The following HEATR5B variants were observed in gnomAD, a reference collection of about 807,000 sequenced individuals.
HEATR5B encodes HEAT repeat containing 5B.
HEATR5B carries 156 observed loss-of-function variants against 224.1 expected under a neutral mutation model. The observed-to-expected ratio is 0.70, with a 90% CI of 0.61 to 0.80. The LOEUF (loss-of-function observed/expected upper bound fraction) is 0.80, where lower values mean the gene tolerates loss of function less well. HEATR5B is among the 30% of genes least tolerant of loss of function. The probability of loss-of-function intolerance (pLI) is 0.00; values close to 1 mark genes in which losing one functional copy is unlikely to be tolerated. For missense variants in HEATR5B, 2,323 were observed against 2,535.5 expected, an observed-to-expected ratio of 0.92 and a Z score of 1.80; for synonymous variants, 1,027 against 893.0, an observed-to-expected ratio of 1.15 and a Z score of -2.68.
At chr2:37,073,322 A>G (rs13399537) in intron 5 of HEATR5B, among the ~76,000 whole-genome samples, 3,464 of 152,346 alleles carry the variant, frequency 0.023, 60 homozygotes, top group Non-Finnish European at 0.032. Flanking sequence ...TATTCACCAC[A>G]TTAGCAAACT....
At chr2:37,050,338 T>C (rs766856780) in intron 17 of HEATR5B, among the ~76,000 whole-genome samples, 3 of 152,258 alleles carry the variant, frequency 2.0e-5, no homozygotes, top group Non-Finnish European at 1.5e-5. Flanking sequence ...CTTTCCTAAA[T>C]ACGATTTCAG....
In HEATR5B at chr2:37,067,840, A is replaced by G. The variant is rs572684749; in HGVS notation, c.1177+841T>C. Among the ~76,000 whole-genome samples the G allele has an allele frequency of 3.9e-5, 6 of 152,308 alleles. No individual in the cohort carries two copies. The South Asian group carries it at 6.2e-4, about 16-fold the overall frequency. On this transcript the variant is annotated intron_variant, in intron 8 of 35. Coordinates refer to ENST00000233099, the MANE Select transcript of HEATR5B (RefSeq NM_019024.3). ...TAAGCCATTATAAACAACAAAAACTACAACTATTTATATTTTTTTACTAAT... is the reference window on the plus strand; with the variant it reads ...TAAGCCATTATAAACAACAAAAACTGCAACTATTTATATTTTTTTACTAAT...
At chr2:37,050,079 G>C (rs1453063720) in intron 17 of HEATR5B, among the ~76,000 whole-genome samples, 1 of 151,870 alleles carries the variant, frequency 6.6e-6, no homozygotes, top group Non-Finnish European at 1.5e-5. Flanking sequence ...TTTTTGTAGA[G>C]ACAGGGTCTT....
chr2:37,056,680 G>A (rs1252949622), intron 15 of HEATR5B, 65 bp from the exon 16 acceptor site: 2 of 1,354,348 alleles, frequency 1.5e-6, no homozygotes, highest in Non-Finnish European at 2.0e-6. Context: ...TTAAACATTG[G>A]GAATGAGGAT....
intron 6 of HEATR5B, among the ~76,000 whole-genome samples, chr2:37,071,040 T>C (rs1671874038): frequency 6.6e-6 from 1 of 152,188 alleles, no homozygotes; most frequent in Non-Finnish European, 1.5e-5. Flanking sequence ...GTAGTAACAG[T>C]CCATATAATT....
chr2:37,057,629 G>T, intron 14 of HEATR5B, 149 bp from the exon 15 acceptor site: 3 of 543,978 alleles, frequency 5.5e-6, no homozygotes, highest in African/African-American at 2.0e-5. Flanking sequence ...TTTAAATGCT[G>T]GTTTTAATAT....
At chr2:36,983,643 G>A (rs967023990) in intron 35 of HEATR5B, among the ~76,000 whole-genome samples, 3 of 151,306 alleles carry the variant, frequency 2.0e-5, no homozygotes, top group Non-Finnish European at 4.4e-5. Flanking sequence ...CAGGAGAATC[G>A]CTTGAACCTG....
At chr2:36,995,440 T>C (rs978338849) in intron 33 of HEATR5B, among the ~76,000 whole-genome samples, 2 of 152,304 alleles carry the variant, frequency 1.3e-5, no homozygotes, top group East Asian at 1.9e-4. Context: ...TTAATGTTTC[T>C]TCAGTTTGTT....
chr2:37,040,132 T>A (rs543230183), intron 20 of HEATR5B, among the ~76,000 whole-genome samples, 197 bp downstream of exon 20: 1 of 152,228 alleles, frequency 6.6e-6, no homozygotes. Flanking sequence ...AACATTATCA[T>A]GTCATAGGTT....
intron 16 of HEATR5B, among the ~76,000 whole-genome samples, chr2:37,053,885 G>T (rs1166423848): frequency 6.6e-6 from 1 of 151,478 alleles, no homozygotes; most frequent in Non-Finnish European, 1.5e-5. Context: ...CCAACAAAGC[G>T]CCTGGCATCT....
chr2:37,047,886 G>A (rs554309509), intron 18 of HEATR5B, among the ~76,000 whole-genome samples: 45 of 152,140 alleles, frequency 3.0e-4, no homozygotes, highest in African/African-American at 7.7e-4. Flanking sequence ...AGACACCATC[G>A]TTTTAAAAAA....
rs1666602106 is a variant in HEATR5B, at chr2:36,995,087, G to GTTTTTTTTTGTT, written c.5546-4289_5546-4288insAACAAAAAAAAA. Among the ~76,000 whole-genome samples the GTTTTTTTTTGTT allele has an allele frequency of 5.8e-5, 6 of 104,132 alleles. No individual in the cohort carries two copies. The Admixed American group carries it at 6.1e-4, about 11-fold the overall frequency. The allele number at this position is 104,132 out of a possible 152,430, so 68.3% of individuals were successfully genotyped here. The stretch of plus-strand genomic sequence containing the variant: ...CGATTTCTTCGTCTTGTTATTCCTT[G>GTTTTTTTTTGTT]TTTTTTTTTTTTTTTTTCCTGAGAT... On this transcript the variant is annotated intron_variant, in intron 33 of 35. Coordinates refer to ENST00000233099, the MANE Select transcript of HEATR5B (RefSeq NM_019024.3).
chr2:37,055,184 A>G, intron 16 of HEATR5B: 1 of 292,446 alleles, frequency 3.4e-6, no homozygotes, highest in South Asian at 3.1e-5. Flanking sequence ...TTAATTTAAC[A>G]TTGTATCATG....
intron 33 of HEATR5B, among the ~76,000 whole-genome samples, chr2:36,993,313 G>A (rs956107433): frequency 1.3e-5 from 2 of 152,050 alleles, no homozygotes; most frequent in African/African-American, 4.8e-5. Context: ...GAGGTTGGGG[G>A]ATCACCTCAG....
chr2:37,058,617 AT>A (rs943345075), intron 13 of HEATR5B, 57 bp from the exon 14 acceptor site: 12 of 1,227,468 alleles, frequency 9.8e-6, no homozygotes, highest in Admixed American at 1.8e-5. Context: ...TTACTTATAA[AT>A]TTTTTTAGCA....
intron 21 of HEATR5B, among the ~76,000 whole-genome samples, chr2:37,033,312 T>C (rs1164745918): frequency 1.3e-5 from 2 of 152,192 alleles, no homozygotes; most frequent in Admixed American, 1.3e-4. Context: ...AATATGTTAG[T>C]AGCCAAAATA....
In HEATR5B at chr2:37,027,925, G is replaced by C. The variant is rs1026605046; in HGVS notation, c.3851C>G (p.Thr1284Arg). The change falls in exon 24 of 36, where the codon ACA becomes AGA. Residue 1284 changes from threonine (T) to arginine (R), a missense_variant and splice_region_variant. Coordinates refer to ENST00000233099, the MANE Select transcript of HEATR5B (RefSeq NM_019024.3). ...LARSAKLRNP[T>R]NDLLVLHLSD... The stretch of plus-strand genomic sequence containing the variant: ...AAAAGTACTGATTTTAAATTTACTT[G>C]TAGGGTTTCGAAGTTTAGCAGAACG... The C allele has an allele frequency of 6.2e-7, 1 of 1,612,730 alleles. No homozygotes were observed. Among genetic ancestry groups the C allele is most frequent in the East Asian group, 2.2e-5 (1 of 44,866 alleles).
At chr2:37,057,567 A>C in intron 14 of HEATR5B, 87 bp from the exon 15 acceptor site, 1 of 807,198 alleles carries the variant, frequency 1.2e-6, no homozygotes, top group Non-Finnish European at 1.9e-6. Context: ...CAACATGTTC[A>C]ACAGGAATAA....
chr2:37,065,649 GA>G, intron 9 of HEATR5B, 105 bp downstream of exon 9: 2 of 947,922 alleles, frequency 2.1e-6, no homozygotes, highest in Non-Finnish European at 3.2e-6. Context: ...CTGATGATCT[GA>G]AGTGCTAATG....
Sources: allele counts gnomAD v4.1 joint callset (sites outside exome capture counted in the v4.1 genomes callset), GRCh38; gene constraint gnomAD v4.1.1; transcripts MANE v1.5; gene names NCBI Gene and HGNC (gene_info 2026-07-23, HGNC 2026-07-21).